Variants in LTN1 observed in about 807,000 individuals in gnomAD.
The protein encoded by LTN1 is listerin E3 ubiquitin protein ligase 1.
LTN1 carries 88 observed loss-of-function variants against 201.2 expected under a neutral mutation model. That is an observed-to-expected ratio of 0.44 (90% CI 0.37 to 0.52). The LOEUF (loss-of-function observed/expected upper bound fraction) is 0.52. Ranked by LOEUF, LTN1 falls within the 20% of genes least tolerant of loss-of-function variation. LTN1 has a pLI of 0.00. For synonymous variants in LTN1, 645 were observed against 713.5 expected (o/e 0.90, Z 1.53); for missense variants, 1,752 against 2,038.7 (o/e 0.86, Z 2.71).
At chr21:28,973,030 T>TA (rs975987857) in intron 6 of LTN1, among the ~76,000 whole-genome samples, 2 of 152,174 alleles carry the variant, frequency 1.3e-5, no homozygotes, top group African/African-American at 4.8e-5. Flanking sequence ...TACAATCCTG[T>TA]ACTCAGCAAA....
At chr21:28,965,678 A>G (rs935924191) in intron 11 of LTN1, among the ~76,000 whole-genome samples, 187 bp downstream of exon 11, 8 of 152,186 alleles carry the variant, frequency 5.3e-5, no homozygotes, top group African/African-American at 1.9e-4. Context: ...CCAGAAAAAT[A>G]CTACTACAGG....
chr21:28,965,730 G>C, intron 11 of LTN1, 135 bp downstream of exon 11: 1 of 563,774 alleles, frequency 1.8e-6, no homozygotes, highest in Non-Finnish European at 3.1e-6. Context: ...TAGGAAGAAA[G>C]TTACAATAAT....
chr21:28,983,571 G>A (rs2084674907), intron 4 of LTN1, among the ~76,000 whole-genome samples: 1 of 152,148 alleles, frequency 6.6e-6, no homozygotes, highest in Admixed American at 6.5e-5. Context: ...GGGAGTGCTG[G>A]GTGAAGAGAT....
intron 28 of LTN1, among the ~76,000 whole-genome samples, chr21:28,931,845 A>C (rs56372023): frequency 8.5e-5 from 13 of 152,246 alleles, no homozygotes; most frequent in African/African-American, 2.2e-4. Flanking sequence ...TCTACTAAAA[A>C]TACAAACAAT....
rs909604342 is a variant in LTN1, at chr21:28,943,391, G to A, written c.4221-55C>T. On this transcript the variant is annotated intron_variant, in intron 23 of 29. Transcript: ENST00000361371. ...GTGATATTAAACTGTTTATTAAGTC[G>A]TGCTCAAGAGCAGAAAGACCAATAC... 41 of 1,088,958 alleles carry A rather than the reference G, an allele frequency of 3.8e-5. 1 individual carries two copies. Among genetic ancestry groups the A allele is most frequent in the South Asian group, 2.2e-4 (16 of 72,944 alleles). The allele number at this position is 1,088,958 out of a possible 1,614,324, so 67.5% of individuals were successfully genotyped here.
intron 6 of LTN1, among the ~76,000 whole-genome samples, chr21:28,971,938 C>CT (rs2084578344): frequency 6.6e-6 from 1 of 152,136 alleles, no homozygotes; most frequent in African/African-American, 2.4e-5. Context: ...AATTACTCAA[C>CT]TAAAAATAAT....
At chr21:28,955,440 C>T (rs1003175266) in intron 16 of LTN1, among the ~76,000 whole-genome samples, 2 of 152,150 alleles carry the variant, frequency 1.3e-5, no homozygotes, top group African/African-American at 2.4e-5. Flanking sequence ...AAAAATAGAA[C>T]TATCACACAA....
intron 29 of LTN1, 48 bp downstream of exon 29, chr21:28,931,107 G>T: frequency 8.6e-7 from 1 of 1,163,564 alleles, no homozygotes; most frequent in Non-Finnish European, 1.3e-6. Flanking sequence ...GTGTTTATGT[G>T]TATAAAATAC....
At chr21:28,974,639 C>T (rs2084601099) in intron 6 of LTN1, among the ~76,000 whole-genome samples, 1 of 152,042 alleles carries the variant, frequency 6.6e-6, no homozygotes, top group South Asian at 2.1e-4. Flanking sequence ...ACTAGAAGAA[C>T]CAGGAAAGAA....
At chr21:28,962,088 G>A (rs2084484050) in intron 11 of LTN1, among the ~76,000 whole-genome samples, 1 of 152,198 alleles carries the variant, frequency 6.6e-6, no homozygotes, top group Non-Finnish European at 1.5e-5. Context: ...CTACTTTAGA[G>A]TTTAGATGGC....
intron 6 of LTN1, among the ~76,000 whole-genome samples, chr21:28,975,600 A>T (rs2084608941): frequency 6.6e-6 from 1 of 152,222 alleles, no homozygotes; most frequent in African/African-American, 2.4e-5. Context: ...ACAAAAATAG[A>T]TGTTTCCCTC....
At chr21:28,953,077 A>G in intron 17 of LTN1, 140 bp downstream of exon 17, 2 of 491,958 alleles carry the variant, frequency 4.1e-6, no homozygotes, top group Non-Finnish European at 3.5e-6. Flanking sequence ...TTCATAAACT[A>G]TTTATTATTA....
In LTN1 at chr21:28,956,952, T is replaced by G; in HGVS notation, c.2893-4A>C. ...CTAAAAGAGGTCTATGTAACCACTG[T>G]GAAAAGAATACGTTATATACAAAAT... On this transcript the variant is annotated splice_polypyrimidine_tract_variant and splice_region_variant and intron_variant, in intron 15 of 29. Transcript: ENST00000361371. The G allele has an allele frequency of 6.5e-7, 1 of 1,548,924 alleles. No individual in the cohort carries two copies. The highest frequency in any genetic ancestry group is 8.8e-7 in the Non-Finnish European group (1 of 1,140,992).
At position 28,970,602 on chromosome 21, in the gene LTN1, T is replaced by C. The variant is rs2084565925; in HGVS notation, c.1125A>G (p.Thr375=). The change falls in exon 8 of 30, where the codon ACA becomes ACG. Residue 375 remains threonine, a synonymous_variant. Transcript: ENST00000361371. ...TTTTGAAGAAATCCAACTTTGGATT[T>C]GTGATGGACTGAGGGAGCTTGCTGA... The part of the protein sequence containing the change: ...PFISKLPQSI[T]NPKLDFFKNF... The C allele has an allele frequency of 1.2e-6, 2 of 1,613,592 alleles. No individual in the cohort carries two copies. The highest frequency in any genetic ancestry group is 1.7e-6 in the Non-Finnish European group (2 of 1,179,910).
chr21:28,950,111 CTAAG>C (rs2146276492), intron 18 of LTN1, among the ~76,000 whole-genome samples: 1 of 152,180 alleles, frequency 6.6e-6, no homozygotes, highest in Non-Finnish European at 1.5e-5. Context: ...GAACAGTTTA[CTAAG>C]TTTTTCAAAA....
chr21:28,947,777 T>A (rs558780980), intron 18 of LTN1, among the ~76,000 whole-genome samples, 171 bp from the exon 19 acceptor site: 2 of 152,158 alleles, frequency 1.3e-5, no homozygotes, highest in South Asian at 2.1e-4. Flanking sequence ...TGAAATTGGT[T>A]TTTTTTGCTC....
intron 19 of LTN1, among the ~76,000 whole-genome samples, chr21:28,946,893 C>T (rs1362589687): frequency 1.3e-5 from 2 of 152,138 alleles, no homozygotes; most frequent in Non-Finnish European, 2.9e-5. Flanking sequence ...CAACTATGTC[C>T]ATATGGAAAA....
intron 11 of LTN1, 127 bp downstream of exon 11, chr21:28,965,737 TA>T (rs1370988811): frequency 1.2e-4 from 67 of 575,414 alleles, no homozygotes; most frequent in Non-Finnish European, 2.0e-4. Flanking sequence ...AAAGTTACAA[TA>T]ATGAGGAAGT....
At chr21:28,975,156 C>T (rs1393373574) in intron 6 of LTN1, among the ~76,000 whole-genome samples, 1 of 151,882 alleles carries the variant, frequency 6.6e-6, no homozygotes, top group Non-Finnish European at 1.5e-5. Flanking sequence ...ATGACCCAGA[C>T]GTTATCAGAC....
Sources: gnomAD v4.1 joint callset for allele counts (sites outside exome capture counted in the v4.1 genomes callset) on GRCh38, gnomAD v4.1.1 for gene constraint, MANE v1.5 for transcripts, NCBI Gene and HGNC (gene_info 2026-07-23, HGNC 2026-07-21) for gene names.